Variants in TMEM245 observed in about 807,000 individuals in gnomAD.
TMEM245 encodes transmembrane protein 245, also known as protein CG-2.
In TMEM245, 69 loss-of-function variants were observed where a neutral mutation model predicts 101.2. The observed-to-expected ratio is 0.68, with a 90% confidence interval of 0.56 to 0.83. TMEM245 has a LOEUF of 0.83. Among genes scored for constraint, TMEM245 ranks in the 40% least tolerant of loss-of-function variants. The probability of loss-of-function intolerance (pLI) is 0.00; values close to 1 mark genes in which losing one functional copy is unlikely to be tolerated. For missense variants in TMEM245, 1,075 were observed against 1,092.8 expected, an observed-to-expected ratio of 0.98 and a Z score of 0.23; for synonymous variants, 537 against 449.8, an observed-to-expected ratio of 1.19 and a Z score of -2.45.
intron 8 of TMEM245, among the ~76,000 whole-genome samples, chr9:109,074,425 G>A (rs1829431611): frequency 1.3e-5 from 2 of 152,118 alleles, no homozygotes; most frequent in African/African-American, 4.8e-5. Flanking sequence ...TCACCCAGGA[G>A]CTACACAGGT....
At chr9:109,094,041 G>A (rs10429575) in intron 3 of TMEM245, among the ~76,000 whole-genome samples, 20,505 of 152,146 alleles carry the variant, frequency 0.13, 1,628 homozygotes, top group African/African-American at 0.19. Flanking sequence ...ATGAGTATGC[G>A]AATATATGGC....
At chr9:109,101,389 T>C (rs558955032) in intron 3 of TMEM245, among the ~76,000 whole-genome samples, 11 of 152,288 alleles carry the variant, frequency 7.2e-5, no homozygotes, top group Admixed American at 3.3e-4. Flanking sequence ...TTCCTGTACC[T>C]ACCTATATTA....
intron 8 of TMEM245, among the ~76,000 whole-genome samples, chr9:109,074,584 C>A (rs955099827): frequency 1.3e-5 from 2 of 150,960 alleles, no homozygotes; most frequent in African/African-American, 4.9e-5. Context: ...CCCACACCCA[C>A]CCCTCATCTC....
At chr9:109,038,806 T>C (rs906400040) in intron 14 of TMEM245, 4 of 152,232 alleles carry the variant, frequency 2.6e-5, no homozygotes, top group Non-Finnish European at 5.9e-5. Flanking sequence ...AGGAATTCAA[T>C]ACATGAAAAT....
chr9:109,065,098 T>G (rs531877752), intron 9 of TMEM245, among the ~76,000 whole-genome samples: 6 of 152,162 alleles, frequency 3.9e-5, no homozygotes, highest in Admixed American at 3.9e-4. Flanking sequence ...AATGTTTCCT[T>G]AGCTTTTAGA....
intron 16 of TMEM245, among the ~76,000 whole-genome samples, chr9:109,035,415 T>C (rs117638092): frequency 0.011 from 1,697 of 152,258 alleles, 12 homozygotes; most frequent in Non-Finnish European, 0.015. Flanking sequence ...TGTCAAAACC[T>C]ATAAAAACAG....
In TMEM245 at chr9:109,015,686, G is replaced by A. The variant is rs774199040; in HGVS notation, c.*4774C>T. 1.2e-4 allele frequency: 19 copies of A among 152,586 alleles called. No individual in the cohort carries two copies. The highest frequency in any genetic ancestry group is 6.5e-5 in the Admixed American group (1 of 15,274). 9.5% of individuals were successfully genotyped at this position (152,586 alleles called of 1,614,324 possible). ...TAAATTCTGGCTCCATCATTTTGTG[G>A]TATAAACTTAGGGGAATATCACCAA... On this transcript the variant is annotated 3_prime_UTR_variant, in exon 18 of 18. Coordinates refer to ENST00000374586, the MANE Select transcript of TMEM245 (RefSeq NM_032012.4).
intron 17 of TMEM245, among the ~76,000 whole-genome samples, chr9:109,026,493 G>A (rs1050817116): frequency 6.6e-6 from 1 of 151,786 alleles, no homozygotes; most frequent in Non-Finnish European, 1.5e-5. Context: ...CGTGCACAAA[G>A]GCCCAGAGTT....
At chr9:109,040,215 C>G (rs1000997689) in intron 14 of TMEM245, among the ~76,000 whole-genome samples, 1 of 152,176 alleles carries the variant, frequency 6.6e-6, no homozygotes, top group Non-Finnish European at 1.5e-5. Flanking sequence ...TACCTCATTA[C>G]TTGTGATCTG....
chr9:109,058,297 C>A (rs1165727948), intron 11 of TMEM245, among the ~76,000 whole-genome samples: 1 of 151,902 alleles, frequency 6.6e-6, no homozygotes, highest in Non-Finnish European at 1.5e-5. Context: ...AGCCACCACG[C>A]CCAGCCCTCA....
At chr9:109,030,860 C>T (rs183051518) in intron 17 of TMEM245, among the ~76,000 whole-genome samples, 106 of 152,312 alleles carry the variant, frequency 7.0e-4, no homozygotes, top group Non-Finnish European at 1.6e-4. Flanking sequence ...AGGACAATGT[C>T]TCTCTTCACA....
At chr9:109,070,774 C>T (rs1246496862) in intron 9 of TMEM245, among the ~76,000 whole-genome samples, 1 of 152,210 alleles carries the variant, frequency 6.6e-6, no homozygotes, top group Non-Finnish European at 1.5e-5. Flanking sequence ...CCACAGGCAA[C>T]CATTAATCTT....
At position 109,029,009 on chromosome 9, in the gene TMEM245, C is replaced by T. The variant is rs139866641; in HGVS notation, c.2594+4298G>A. On this transcript the variant is annotated intron_variant, in intron 17 of 17. Coordinates refer to ENST00000374586, the MANE Select transcript of TMEM245 (RefSeq NM_032012.4). Reference sequence around the variant, plus strand: ...AAGCTGCTAAATGTGTAATCTGTTACATGTCATACAAAATATAAACCTGTA... The same window carrying T: ...AAGCTGCTAAATGTGTAATCTGTTATATGTCATACAAAATATAAACCTGTA... 2.7e-3 allele frequency among the ~76,000 whole-genome samples: 408 copies of T among 152,202 alleles called. 2 individuals carry two copies. The highest frequency in any genetic ancestry group is 0.013 in the South Asian group (61 of 4,820).
chr9:109,110,627 C>T (rs902317959), intron 1 of TMEM245, among the ~76,000 whole-genome samples: 2 of 151,980 alleles, frequency 1.3e-5, no homozygotes, highest in African/African-American at 2.4e-5. Context: ...TAGCCCCACC[C>T]TATTAAACAT....
intron 8 of TMEM245, among the ~76,000 whole-genome samples, chr9:109,075,150 T>G (rs558921289): frequency 3.3e-4 from 50 of 152,340 alleles, no homozygotes; most frequent in Non-Finnish European, 6.0e-4. Flanking sequence ...GAGAAAGAAG[T>G]GACTGGATTT....
At chr9:109,108,593 C>G (rs771457554) in intron 1 of TMEM245, 23 bp from the exon 2 acceptor site, 1 of 1,519,628 alleles carries the variant, frequency 6.6e-7, no homozygotes, top group Non-Finnish European at 9.0e-7. Context: ...AAAGACACAG[C>G]TGTAAAATCT....
intron 12 of TMEM245, among the ~76,000 whole-genome samples, chr9:109,054,401 C>T (rs79989300): frequency 0.016 from 2,490 of 152,198 alleles, 69 homozygotes; most frequent in African/African-American, 0.058. Context: ...TTCCTTCTAC[C>T]TCCAAAAACT....
Position 109,119,920 on chromosome 9 carries a change from T to A in TMEM245, c.-7A>T. 1 of 1,283,274 alleles carries A rather than the reference T, an allele frequency of 7.8e-7. No individual in the cohort carries two copies. The allele number at this position is 1,283,274 out of a possible 1,614,324, so 79.5% of individuals were successfully genotyped here. A position where few individuals can be genotyped will look rare whatever the true frequency, so the allele number is the denominator to read the frequency against. On this transcript the variant is annotated 5_prime_UTR_variant, in exon 1 of 18. Coordinates refer to ENST00000374586, the MANE Select transcript of TMEM245 (RefSeq NM_032012.4). ...GGCCGCCGCCGTCGGCCATCGTTCC[T>A]CCGCCACAGCCGCCCCCGAGGGGCG...
At chr9:109,083,396 C>A (rs1829726962) in intron 7 of TMEM245, among the ~76,000 whole-genome samples, 1 of 152,108 alleles carries the variant, frequency 6.6e-6, no homozygotes, top group African/African-American at 2.4e-5. Flanking sequence ...CACCTGCCCT[C>A]GCATGGAAAT....
Sources: gnomAD v4.1 joint callset for allele counts (sites outside exome capture counted in the v4.1 genomes callset) on GRCh38, gnomAD v4.1.1 for gene constraint, MANE v1.5 for transcripts, NCBI Gene and HGNC (gene_info 2026-07-23, HGNC 2026-07-21) for gene names.